Variants in GABRG1 observed in about 807,000 individuals in gnomAD.
GABRG1 encodes gamma-aminobutyric acid type A receptor subunit gamma1.
In GABRG1, 49 loss-of-function variants were observed where a neutral mutation model predicts 49.8. The ratio of observed to expected loss-of-function variants is 0.98; its 90% confidence interval spans 0.78 to 1.25. The LOEUF is 1.25. GABRG1 is among the 50% of genes most tolerant of loss of function. The probability of loss-of-function intolerance (pLI) is 0.00; values close to 1 mark genes in which losing one functional copy is unlikely to be tolerated. For missense variants in GABRG1, 552 were observed against 552.3 expected (o/e 1.00, Z 0.01); for synonymous variants, 232 against 185.1 (o/e 1.25, Z -2.06).
Position 46,061,671 on chromosome 4 carries a change from G to GT in GABRG1, c.625+2769dup, listed in dbSNP as rs534643290. ...TTATTTCCTATAAAGAATATACCAGGTTTTTTTTTAGGATAAATAAAAGCA... is the reference window on the plus strand; with the variant it reads ...TTATTTCCTATAAAGAATATACCAGGTTTTTTTTTTAGGATAAATAAAAGCA... On this transcript the variant is annotated intron_variant, in intron 5 of 8. Coordinates refer to ENST00000295452, the MANE Select transcript of GABRG1 (RefSeq NM_173536.4). Among the ~76,000 whole-genome samples, 668 of 150,352 alleles carry GT rather than the reference G, an allele frequency of 4.4e-3. 1 individual carries two copies. The highest frequency in any genetic ancestry group is 7.6e-3 in the Non-Finnish European group (514 of 67,532).
At chr4:46,106,926 A>C (rs1274026156) in intron 1 of GABRG1, among the ~76,000 whole-genome samples, 1 of 151,294 alleles carries the variant, frequency 6.6e-6, no homozygotes, top group Non-Finnish European at 1.5e-5. Flanking sequence ...AATTAAAAAA[A>C]TTGTGGGTAC....
chr4:46,046,823 G>A, intron 8 of GABRG1, among the ~76,000 whole-genome samples: 1 of 152,014 alleles, frequency 6.6e-6, no homozygotes, highest in East Asian at 1.9e-4. Context: ...AGTATATACT[G>A]TATACTATTT....
chr4:46,072,372 G>A (rs1255699133), intron 3 of GABRG1, among the ~76,000 whole-genome samples: 1 of 152,048 alleles, frequency 6.6e-6, no homozygotes, highest in African/African-American at 2.4e-5. Context: ...GCCTGGCTAA[G>A]TTGACATGTA....
rs1421596943 is a variant in GABRG1 at position 46,097,186 on chromosome 4, G to T, written c.253+15C>A. The T allele has an allele frequency of 7.6e-6, 12 of 1,589,374 alleles. No homozygotes were observed. Among genetic ancestry groups the T allele is most frequent in the Non-Finnish European group, 1.0e-5 (12 of 1,168,954 alleles). On this transcript the variant is annotated intron_variant, in intron 2 of 8. Transcript: ENST00000295452. Reference sequence around the variant, plus strand: ...TAATGGTCATCAAAATCCCAGAATGGTAACTCAAGCTTACCTCCTATATCT... The same window carrying T: ...TAATGGTCATCAAAATCCCAGAATGTTAACTCAAGCTTACCTCCTATATCT...
At chr4:46,063,359 A>G (rs939232709) in intron 5 of GABRG1, among the ~76,000 whole-genome samples, 21 of 151,978 alleles carry the variant, frequency 1.4e-4, no homozygotes, top group Admixed American at 1.2e-3. Context: ...CTCAGAAATA[A>G]CGCCACATAT....
intron 1 of GABRG1, among the ~76,000 whole-genome samples, chr4:46,106,441 C>A (rs996710279): frequency 6.6e-6 from 1 of 151,428 alleles, no homozygotes; most frequent in African/African-American, 2.4e-5. Flanking sequence ...TCTTATACAA[C>A]AAAAGACTTT....
intron 2 of GABRG1, among the ~76,000 whole-genome samples, chr4:46,085,125 CGA>C (rs1719707865): frequency 1.3e-5 from 2 of 151,202 alleles, no homozygotes; most frequent in African/African-American, 4.8e-5. Flanking sequence ...CAGCAAACGC[CGA>C]GTGCCTACTT....
At chr4:46,045,900 G>A (rs567239318) in intron 8 of GABRG1, among the ~76,000 whole-genome samples, 1 of 152,006 alleles carries the variant, frequency 6.6e-6, no homozygotes, top group South Asian at 2.1e-4. Context: ...TACTGAGAAA[G>A]AGAATAAGAA....
At chr4:46,098,017 G>A (rs1720239250) in intron 1 of GABRG1, among the ~76,000 whole-genome samples, 1 of 151,640 alleles carries the variant, frequency 6.6e-6, no homozygotes, top group Non-Finnish European at 1.5e-5. Flanking sequence ...TACTAGAAGT[G>A]ATATTGGGGA....
chr4:46,056,151 T>TAAAAAAAAAAAAAAAAAAAAAAAAA (rs1182116080), intron 7 of GABRG1, among the ~76,000 whole-genome samples: 2 of 9,144 alleles, frequency 2.2e-4, no homozygotes, highest in Non-Finnish European at 3.2e-4. Flanking sequence ...ATAAATAAAT[T>TAAAAAAAAAAAAAAAAAAAAAAAAA]AAAAAAAAAA....
At chr4:46,058,396 G>T in intron 6 of GABRG1, 27 bp from the exon 7 acceptor site, 1 of 1,597,154 alleles carries the variant, frequency 6.3e-7, no homozygotes, top group Non-Finnish European at 8.5e-7. Flanking sequence ...TTTTATTTTG[G>T]CTATATAATA....
At chr4:46,059,328 C>G (rs1040579689) in intron 5 of GABRG1, among the ~76,000 whole-genome samples, 1 of 151,882 alleles carries the variant, frequency 6.6e-6, no homozygotes, top group African/African-American at 2.4e-5. Context: ...ATGGGTTACA[C>G]ATAATATCAA....
chr4:46,058,147 T>G (rs1718523100), intron 7 of GABRG1, 70 bp downstream of exon 7: 13 of 1,418,006 alleles, frequency 9.2e-6, no homozygotes, highest in African/African-American at 1.4e-5. Context: ...AATGTGACTA[T>G]GAACTTTTAT....
chr4:46,099,007 T>C (rs1000952202), intron 1 of GABRG1, among the ~76,000 whole-genome samples: 2 of 151,756 alleles, frequency 1.3e-5, no homozygotes, highest in Non-Finnish European at 1.5e-5. Flanking sequence ...CATCATAAAT[T>C]AAAATTTTAC....
rs2109387875 is a variant in GABRG1, at chr4:46,037,970, C to A, written c.*3018G>T. The A allele has an allele frequency of 6.6e-6, 1 of 151,620 alleles. No individual in the cohort carries two copies. Among genetic ancestry groups the A allele is most frequent in the Middle Eastern group, 3.4e-3 (1 of 294 alleles). The allele number at this position is 151,620 out of a possible 1,614,324, so 9.4% of individuals were successfully genotyped here. A position where few individuals can be genotyped will look rare whatever the true frequency, so the allele number is the denominator to read the frequency against. On this transcript the variant is annotated 3_prime_UTR_variant, in exon 9 of 9. Coordinates refer to ENST00000295452, the MANE Select transcript of GABRG1 (RefSeq NM_173536.4). ...TCTATTTTATGATGATATACTAATG[C>A]CAGAATATGGAAACACAAGTGAAAA...
chr4:46,058,592 T>C lies in GABRG1; in HGVS notation c.656A>G (p.Lys219Arg). The change falls in exon 6 of 9, where the codon AAG (lysine) becomes AGG (arginine). Residue 219 changes from lysine (K) to arginine (R), a missense_variant. Coordinates refer to ENST00000295452, the MANE Select transcript of GABRG1 (RefSeq NM_173536.4). ...YGYPKNEIEYKWKKPSVEVAD... is the reference protein window; with the variant it reads ...YGYPKNEIEYRWKKPSVEVAD... ...CACTTCTACGGAGGGCTTTTTCCAC[T>C]TATACTCAATTTCATTTTTAGGGTA... The C allele has an allele frequency of 6.2e-7, 1 of 1,612,630 alleles. No individual in the cohort carries two copies. The highest frequency in any genetic ancestry group is 1.1e-5 in the South Asian group (1 of 90,982).
At chr4:46,107,407 G>A (rs962626063) in intron 1 of GABRG1, among the ~76,000 whole-genome samples, 1 of 150,900 alleles carries the variant, frequency 6.6e-6, no homozygotes, top group African/African-American at 2.4e-5. Context: ...ATATTTTAAT[G>A]CAGTCATTCT....
At chr4:46,076,375 A>G (rs1560360793) in intron 3 of GABRG1, among the ~76,000 whole-genome samples, 1 of 129,824 alleles carries the variant, frequency 7.7e-6, no homozygotes, top group Non-Finnish European at 1.7e-5. Context: ...ATATATATAT[A>G]TATATATATA....
chr4:46,086,050 T>C (rs1048074735), intron 2 of GABRG1, among the ~76,000 whole-genome samples: 2 of 151,578 alleles, frequency 1.3e-5, no homozygotes, highest in Non-Finnish European at 3.0e-5. Flanking sequence ...GAAAACCATG[T>C]ACTGCCATGG....
Sources: gnomAD v4.1 joint callset for allele counts (sites outside exome capture counted in the v4.1 genomes callset) on GRCh38, gnomAD v4.1.1 for gene constraint, MANE v1.5 for transcripts, NCBI Gene and HGNC (gene_info 2026-07-23, HGNC 2026-07-21) for gene names.